CDK14: variants seen among roughly 807,000 people sequenced by gnomAD.
CDK14 encodes the protein cyclin dependent kinase 14.
Under a neutral mutation model 60.7 loss-of-function variants are expected in CDK14, and 34 were observed. The ratio of observed to expected loss-of-function variants is 0.56; its 90% CI spans 0.43 to 0.75. The LOEUF (loss-of-function observed/expected upper bound fraction) is 0.75. Among genes scored for constraint, CDK14 ranks in the 30% least tolerant of loss-of-function variants. The probability of loss-of-function intolerance (pLI) is 0.00; values close to 1 mark genes in which losing one functional copy is unlikely to be tolerated. For missense variants in CDK14, 482 were observed against 564.1 expected (o/e 0.85, Z 1.47); for synonymous variants, 197 against 203.7 (o/e 0.97, Z 0.28).
At chr7:91,201,803 T>C (rs1026858152) in intron 14 of CDK14, among the ~76,000 whole-genome samples, 1 of 152,192 alleles carries the variant, frequency 6.6e-6, no homozygotes, top group African/African-American at 2.4e-5. Context: ...ACTTAAGGGC[T>C]TCTACATTCA....
chr7:90,785,709 C>T (rs1805548035), intron 4 of CDK14, among the ~76,000 whole-genome samples: 1 of 147,730 alleles, frequency 6.8e-6, no homozygotes, highest in African/African-American at 2.5e-5. Context: ...ATGGTGTGAA[C>T]CTGGGAGGTG....
intron 10 of CDK14, among the ~76,000 whole-genome samples, chr7:90,989,296 A>G (rs1012399153): frequency 1.3e-5 from 2 of 152,198 alleles, no homozygotes; most frequent in Non-Finnish European, 2.9e-5. Flanking sequence ...TTACCATTCA[A>G]GTGGATGTAT....
At chr7:91,003,189 A>C (rs2115763488) in intron 10 of CDK14, among the ~76,000 whole-genome samples, 1 of 152,356 alleles carries the variant, frequency 6.6e-6, no homozygotes, top group South Asian at 2.1e-4. Flanking sequence ...GCAGTTTAAG[A>C]GTCACTCTTA....
intron 8 of CDK14, among the ~76,000 whole-genome samples, chr7:90,953,276 C>T (rs985320586): frequency 6.6e-6 from 1 of 152,136 alleles, no homozygotes; most frequent in Non-Finnish European, 1.5e-5. Context: ...TAACATTCTT[C>T]ACTCTGACAC....
chr7:91,076,654 T>G (rs922377703), intron 11 of CDK14, among the ~76,000 whole-genome samples: 4 of 152,022 alleles, frequency 2.6e-5, no homozygotes, highest in African/African-American at 9.7e-5. Context: ...ACAAATGGGA[T>G]CTAATTAAAC....
At chr7:90,621,200 T>C (rs1013796171) in intron 2 of CDK14, among the ~76,000 whole-genome samples, 2 of 152,174 alleles carry the variant, frequency 1.3e-5, no homozygotes, top group Non-Finnish European at 2.9e-5. Context: ...CCTCCTCGTT[T>C]TTGGGTTGGT....
intron 8 of CDK14, among the ~76,000 whole-genome samples, chr7:90,940,984 A>G (rs1226864536): frequency 6.6e-6 from 1 of 152,222 alleles, no homozygotes; most frequent in Non-Finnish European, 1.5e-5. Context: ...TTACTCATGT[A>G]TTGATCCTGG....
intron 14 of CDK14, among the ~76,000 whole-genome samples, chr7:91,201,299 G>T (rs960255549): frequency 6.6e-6 from 1 of 151,884 alleles, no homozygotes; most frequent in Non-Finnish European, 1.5e-5. Flanking sequence ...TCTCTGTTAG[G>T]CATATTTACA....
At chr7:90,836,480 A>G (rs6465292) in intron 5 of CDK14, among the ~76,000 whole-genome samples, 135,039 of 152,146 alleles carry the variant, frequency 0.89, 60,072 homozygotes, top group East Asian at 0.95. Context: ...TGTCCCACTG[A>G]AAGGACTTCA....
intron 9 of CDK14, among the ~76,000 whole-genome samples, chr7:90,980,417 A>T (rs886527760): frequency 1.3e-5 from 2 of 151,972 alleles, no homozygotes; most frequent in Admixed American, 1.3e-4. Flanking sequence ...AAGCAGATGA[A>T]TTTTTTTTCT....
intron 1 of CDK14, among the ~76,000 whole-genome samples, chr7:90,603,142 A>G (rs930819354): frequency 6.6e-6 from 1 of 152,224 alleles, no homozygotes; most frequent in Non-Finnish European, 1.5e-5. Flanking sequence ...CGTAAATTTG[A>G]AACATTTCTC....
chr7:90,782,625 G>T (rs1033044446), intron 4 of CDK14, among the ~76,000 whole-genome samples: 1 of 152,038 alleles, frequency 6.6e-6, no homozygotes, highest in African/African-American at 2.4e-5. Flanking sequence ...GGGGGGACTT[G>T]TCTATATTGT....
intron 11 of CDK14, among the ~76,000 whole-genome samples, chr7:91,057,907 A>G (rs1429081803): frequency 6.6e-6 from 1 of 152,084 alleles, no homozygotes; most frequent in Non-Finnish European, 1.5e-5. Context: ...TTGGTTCCAT[A>G]TGAACTTTAA....
intron 5 of CDK14, among the ~76,000 whole-genome samples, chr7:90,848,302 G>A (rs575805513): frequency 1.1e-4 from 16 of 152,038 alleles, no homozygotes; most frequent in Non-Finnish European, 2.1e-4. Context: ...CACCATGTTG[G>A]CCAGGCTTAC....
chr7:90,605,024 T>A (rs1169176929), intron 2 of CDK14, among the ~76,000 whole-genome samples: 1 of 152,222 alleles, frequency 6.6e-6, no homozygotes, highest in Non-Finnish European at 1.5e-5. Context: ...ATGGGTGTTA[T>A]CTATACAGTG....
At chr7:90,757,607 TTTTG>T (rs1804134718) in intron 4 of CDK14, among the ~76,000 whole-genome samples, 1 of 151,878 alleles carries the variant, frequency 6.6e-6, no homozygotes, top group Non-Finnish European at 1.5e-5. Flanking sequence ...TTTTTTTTTT[TTTTG>T]TTTGAGACAG....
At chr7:91,041,762 T>G (rs1018553418) in intron 10 of CDK14, among the ~76,000 whole-genome samples, 1 of 152,220 alleles carries the variant, frequency 6.6e-6, no homozygotes, top group Non-Finnish European at 1.5e-5. Context: ...AGATATAAAA[T>G]GCAGTCTCCT....
intron 2 of CDK14, among the ~76,000 whole-genome samples, chr7:90,636,957 A>G (rs1800167585): frequency 6.6e-6 from 1 of 151,000 alleles, no homozygotes; most frequent in Non-Finnish European, 1.5e-5. Flanking sequence ...GGTAGTTTGT[A>G]TTTCTGTGGG....
rs570747750 is a variant in CDK14 at position 91,166,666 on chromosome 7, A to G, written c.*29-40499A>G. Among the ~76,000 whole-genome samples, 6 of 152,294 alleles carry G rather than the reference A, an allele frequency of 3.9e-5. No homozygotes were observed. The South Asian group carries it at 1.2e-3, about 32-fold the overall frequency. On this transcript the variant is annotated intron_variant, in intron 14 of 14. Transcript: ENST00000380050. The stretch of plus-strand genomic sequence containing the variant: ...GAGTAATTTGGCATTTTCGCTTTTT[A>G]TTCATAAGGCCCCTGAGTATGTGTG...
Sources: gnomAD v4.1 joint callset for allele counts (sites outside exome capture counted in the v4.1 genomes callset) on GRCh38, gnomAD v4.1.1 for gene constraint, MANE v1.5 for transcripts, NCBI Gene and HGNC (gene_info 2026-07-23, HGNC 2026-07-21) for gene names.